The following MACROD2 variants were observed in gnomAD, a reference collection of about 807,000 sequenced individuals.
The protein encoded by MACROD2 is mono-ADP ribosylhydrolase 2, also known as ADP-ribose glycohydrolase MACROD2.
MACROD2 carries 36 observed loss-of-function variants against 70.4 expected under a neutral mutation model. That is an observed-to-expected ratio of 0.51 (90% CI 0.39 to 0.68). The LOEUF (loss-of-function observed/expected upper bound fraction) is 0.68, where lower values mean the gene tolerates loss of function less well. Ranked by LOEUF, MACROD2 falls within the 30% of genes least tolerant of loss-of-function variation. The pLI is 0.00. For synonymous variants in MACROD2, 172 were observed against 178.8 expected (o/e 0.96, Z 0.30); for missense variants, 496 against 538.4 (o/e 0.92, Z 0.78).
At chr20:15,480,890 T>A (rs868511045) in intron 7 of MACROD2, among the ~76,000 whole-genome samples, 2 of 152,286 alleles carry the variant, frequency 1.3e-5, no homozygotes, top group Middle Eastern at 3.4e-3. Context: ...ATGGTTACAT[T>A]ATTCCCCCAC....
chr20:15,144,269 TA>T (rs2076214437), intron 5 of MACROD2, among the ~76,000 whole-genome samples: 1 of 152,174 alleles, frequency 6.6e-6, no homozygotes, highest in Non-Finnish European at 1.5e-5. Flanking sequence ...CAAATTAATG[TA>T]AAAACTGCAA....
At chr20:14,455,544 T>TTGAGGAGACAAGAGCAATAGA (rs2084292010) in intron 3 of MACROD2, among the ~76,000 whole-genome samples, 1 of 151,754 alleles carries the variant, frequency 6.6e-6, no homozygotes, top group East Asian at 1.9e-4. Flanking sequence ...CGTAAATTAG[T>TTGAGGAGACAAGAGCAATAGA]TGAGGAGACA....
At chr20:15,352,732 T>C (rs111843996) in intron 6 of MACROD2, among the ~76,000 whole-genome samples, 20 of 152,136 alleles carry the variant, frequency 1.3e-4, no homozygotes, top group African/African-American at 4.1e-4. Context: ...AGCCAAATCA[T>C]GAGTGAACTC....
intron 6 of MACROD2, among the ~76,000 whole-genome samples, chr20:15,260,020 G>A (rs1419270374): frequency 6.6e-6 from 1 of 151,730 alleles, no homozygotes; most frequent in African/African-American, 2.4e-5. Flanking sequence ...CATAATAGTT[G>A]TACATATGTA....
chr20:15,572,486 ATCTG>A (rs2048388817), intron 8 of MACROD2, among the ~76,000 whole-genome samples: 1 of 152,128 alleles, frequency 6.6e-6, no homozygotes, highest in African/African-American at 2.4e-5. Flanking sequence ...GTTCATTGTA[ATCTG>A]TCTAAGGTTT....
intron 4 of MACROD2, among the ~76,000 whole-genome samples, chr20:14,561,650 C>T (rs1243624860): frequency 1.3e-5 from 2 of 151,768 alleles, no homozygotes; most frequent in African/African-American, 2.4e-5. Context: ...TCTCAGTTTA[C>T]ATATGTTTCA....
chr20:14,230,320 T>C (rs1276019382), intron 3 of MACROD2, among the ~76,000 whole-genome samples: 2 of 152,156 alleles, frequency 1.3e-5, no homozygotes, highest in African/African-American at 4.8e-5. Flanking sequence ...GTACCGCTGC[T>C]TTATCAACTA....
chr20:14,930,250 G>A (rs1257331953), intron 5 of MACROD2, among the ~76,000 whole-genome samples: 6 of 151,866 alleles, frequency 4.0e-5, no homozygotes, highest in Non-Finnish European at 5.9e-5. Context: ...CAATCAATAC[G>A]TACTTTTTAA....
intron 3 of MACROD2, among the ~76,000 whole-genome samples, chr20:14,343,966 G>A (rs1327892923): frequency 6.6e-6 from 1 of 152,114 alleles, no homozygotes; most frequent in Non-Finnish European, 1.5e-5. Context: ...GCTAATTTTA[G>A]ACACACAAAT....
chr20:14,951,147 G>A (rs1304938755), intron 5 of MACROD2, among the ~76,000 whole-genome samples: 1 of 152,072 alleles, frequency 6.6e-6, no homozygotes, highest in African/African-American at 2.4e-5. Flanking sequence ...GTTTACTGCA[G>A]TGGTGTGTAG....
chr20:14,133,308 T>C (rs773398162), intron 3 of MACROD2, among the ~76,000 whole-genome samples: 5 of 152,230 alleles, frequency 3.3e-5, no homozygotes, highest in Non-Finnish European at 5.9e-5. Flanking sequence ...ACCTTTGATA[T>C]TGATTTCAAC....
intron 5 of MACROD2, among the ~76,000 whole-genome samples, chr20:15,080,339 C>G (rs143337954): frequency 1.3e-5 from 2 of 152,254 alleles, no homozygotes; most frequent in East Asian, 3.9e-4. Context: ...TGAGTTCCCT[C>G]TTACCAAATA....
chr20:15,035,542 C>A (rs1196187462), intron 5 of MACROD2, among the ~76,000 whole-genome samples: 1 of 152,182 alleles, frequency 6.6e-6, no homozygotes, highest in Admixed American at 6.5e-5. Flanking sequence ...GCAACTCACC[C>A]TTTCCCCACC....
At chr20:15,139,761 C>A (rs1452731293) in intron 5 of MACROD2, among the ~76,000 whole-genome samples, 1 of 152,178 alleles carries the variant, frequency 6.6e-6, no homozygotes, top group African/African-American at 2.4e-5. Flanking sequence ...TGTGTCAATA[C>A]ACCTTGGCTC....
At chr20:15,281,291 C>T (rs1034422181) in intron 6 of MACROD2, among the ~76,000 whole-genome samples, 18 of 152,270 alleles carry the variant, frequency 1.2e-4, no homozygotes, top group African/African-American at 4.1e-4. Context: ...ATTTCAAAAC[C>T]AATCATATCT....
At chr20:15,185,661 T>G (rs1436543781) in intron 5 of MACROD2, among the ~76,000 whole-genome samples, 2 of 152,168 alleles carry the variant, frequency 1.3e-5, no homozygotes, top group Non-Finnish European at 2.9e-5. Flanking sequence ...GATAACAAAG[T>G]TAAAATTAAC....
intron 14 of MACROD2, 75 bp from the exon 15 acceptor site, chr20:15,986,991 T>C: frequency 7.5e-7 from 1 of 1,328,216 alleles, no homozygotes; most frequent in South Asian, 1.3e-5. Context: ...TAACTTTCTA[T>C]ACCATAGTCA....
intron 5 of MACROD2, among the ~76,000 whole-genome samples, chr20:15,046,547 GCA>G (rs1568547545): frequency 6.6e-6 from 1 of 152,054 alleles, no homozygotes; most frequent in East Asian, 1.9e-4. Context: ...GTATGTGTGC[GCA>G]CACACACATG....
intron 8 of MACROD2, among the ~76,000 whole-genome samples, chr20:15,671,944 G>A (rs1013120093): frequency 1.3e-5 from 2 of 152,156 alleles, no homozygotes; most frequent in African/African-American, 2.4e-5. Flanking sequence ...GTCCCAGAGA[G>A]GGAGCACAAC....
Sources: gnomAD v4.1 joint callset for allele counts (sites outside exome capture counted in the v4.1 genomes callset) on GRCh38, gnomAD v4.1.1 for gene constraint, MANE v1.5 for transcripts, NCBI Gene and HGNC (gene_info 2026-07-23, HGNC 2026-07-21) for gene names.